The following DRC9 variants were observed in gnomAD, a reference collection of about 807,000 sequenced individuals.
DRC9 encodes the protein dynein regulatory complex protein 9.
At chr3:197,945,674 A>G in the DRC9 span, 2 of 1,446,044 alleles carry the variant, frequency 1.4e-6, no homozygotes, top group Middle Eastern at 1.8e-4. Flanking sequence ...TAATCTCACA[A>G]AAGTGCAGTT....
chr3:197,938,258 A>G, the DRC9 span, among the ~76,000 whole-genome samples: 25 of 151,120 alleles, frequency 1.7e-4, no homozygotes, highest in Non-Finnish European at 2.5e-4. Flanking sequence ...CGGAGGCTGC[A>G]CTGCGCCGAG....
the DRC9 span, chr3:197,925,884 A>G: frequency 3.1e-6 from 2 of 650,518 alleles, no homozygotes; most frequent in Admixed American, 2.4e-5. Context: ...GTGCCCGGCT[A>G]TGTTTTCAAT....
the DRC9 span, among the ~76,000 whole-genome samples, chr3:197,945,987 C>T: frequency 2.0e-5 from 3 of 152,220 alleles, no homozygotes; most frequent in South Asian, 4.1e-4. Context: ...ATTATATCAC[C>T]GATTTTTAAT....
chr3:197,951,034 C>G, the DRC9 span: 1 of 1,601,780 alleles, frequency 6.2e-7, no homozygotes, highest in South Asian at 1.1e-5. Flanking sequence ...AACGTAAATG[C>G]GAGCTTAAAA....
the DRC9 span, among the ~76,000 whole-genome samples, chr3:197,947,989 G>C: frequency 7.2e-6 from 1 of 138,214 alleles, no homozygotes; most frequent in Non-Finnish European, 1.5e-5. Flanking sequence ...CTGGAGTGCA[G>C]TGGCAGGATC....
the DRC9 span, chr3:197,943,686 AG>A: frequency 8.8e-7 from 1 of 1,133,228 alleles, no homozygotes; most frequent in Non-Finnish European, 1.3e-6. Flanking sequence ...AGAGAAAGAA[AG>A]AAAAATAAGT....
chr3:197,930,679 A>G, the DRC9 span, among the ~76,000 whole-genome samples: 1 of 148,550 alleles, frequency 6.7e-6, no homozygotes, highest in African/African-American at 2.5e-5. Context: ...GGCTGCAGTG[A>G]GCTGTGGATC....
the DRC9 span, among the ~76,000 whole-genome samples, chr3:197,899,500 T>C: frequency 2.6e-5 from 4 of 152,104 alleles, no homozygotes; most frequent in Admixed American, 2.6e-4. Context: ...GGTGGGAGGA[T>C]TGCTTGAGCC....
chr3:197,917,016 A>G, the DRC9 span, among the ~76,000 whole-genome samples: 1 of 152,208 alleles, frequency 6.6e-6, no homozygotes, highest in African/African-American at 2.4e-5. Context: ...AGCTTGACTT[A>G]AAGTATCATT....
the DRC9 span, among the ~76,000 whole-genome samples, chr3:197,897,802 C>T: frequency 3.5e-5 from 5 of 144,060 alleles, no homozygotes; most frequent in Non-Finnish European, 7.5e-5. Flanking sequence ...GACAGAGTCT[C>T]GCTCTGTCGC....
chr3:197,920,411 A>AC, the DRC9 span, among the ~76,000 whole-genome samples: 16 of 139,288 alleles, frequency 1.1e-4, no homozygotes, highest in East Asian at 1.5e-3. Flanking sequence ...CAAAGAGAGA[A>AC]CCCCCCCATC....
At chr3:197,943,467 C>G in the DRC9 span, among the ~76,000 whole-genome samples, 1 of 151,922 alleles carries the variant, frequency 6.6e-6, no homozygotes, top group Non-Finnish European at 1.5e-5. Flanking sequence ...GAGATCCCAT[C>G]TCTATAGAAT....
the DRC9 span, among the ~76,000 whole-genome samples, chr3:197,944,650 G>T: frequency 2.6e-5 from 4 of 151,984 alleles, no homozygotes; most frequent in East Asian, 7.7e-4. Flanking sequence ...TGGTTTCACC[G>T]TGTTAGCCAG....
At chr3:197,950,784 C>A in the DRC9 span, 1 of 664,972 alleles carries the variant, frequency 1.5e-6, no homozygotes. Flanking sequence ...CCGGACCCTG[C>A]GTTTCATATG....
the DRC9 span, among the ~76,000 whole-genome samples, chr3:197,897,296 T>C: frequency 6.6e-6 from 1 of 152,118 alleles, no homozygotes; most frequent in Non-Finnish European, 1.5e-5. Context: ...ACAATTAATA[T>C]CTGGCAAAAT....
the DRC9 span, among the ~76,000 whole-genome samples, chr3:197,895,058 TA>T: frequency 1.2e-4 from 17 of 147,444 alleles, no homozygotes; most frequent in African/African-American, 2.5e-4. Context: ...CCCAGTCTCT[TA>T]AAAAAAAAAA....
chr3:197,909,343 T>C, the DRC9 span, among the ~76,000 whole-genome samples: 1 of 152,118 alleles, frequency 6.6e-6, no homozygotes, highest in Admixed American at 6.6e-5. Context: ...AAAAGGATAA[T>C]ATAAAATTGT....
chr3:197,933,466 C>T, the DRC9 span, among the ~76,000 whole-genome samples: 3 of 151,868 alleles, frequency 2.0e-5, no homozygotes, highest in African/African-American at 4.8e-5. Flanking sequence ...AACAAAAAAA[C>T]CGCAAAAGTT....
At chr3:197,913,795 C>T in the DRC9 span, 1 of 1,341,502 alleles carries the variant, frequency 7.5e-7, no homozygotes, top group Non-Finnish European at 1.1e-6. Flanking sequence ...AAATCTTTGT[C>T]TCCCTCCTTT....
Sources: gnomAD v4.1 joint callset for allele counts (sites outside exome capture counted in the v4.1 genomes callset) on GRCh38, gnomAD v4.1.1 for gene constraint, MANE v1.5 for transcripts, NCBI Gene and HGNC (gene_info 2026-07-23, HGNC 2026-07-21) for gene names.